SLC6A19: variants seen among roughly 807,000 people sequenced by gnomAD.
SLC6A19 encodes the protein sodium-dependent neutral amino acid transporter B(0)AT1.
A neutral mutation model predicts 68.3 loss-of-function variants in SLC6A19; 67 were observed. The observed-to-expected ratio is 0.98, with a 90% CI of 0.81 to 1.20. SLC6A19 has a LOEUF of 1.20. Among genes scored for constraint, SLC6A19 ranks in the 50% most tolerant of loss-of-function variants. The probability of loss-of-function intolerance (pLI) is 0.00; values close to 1 mark genes in which losing one functional copy is unlikely to be tolerated. For missense variants in SLC6A19, 813 were observed against 851.6 expected, an observed-to-expected ratio of 0.95 and a Z score of 0.56; for synonymous variants, 392 against 374.9, an observed-to-expected ratio of 1.05 and a Z score of -0.53.
At chr5:1,216,413 G>A (rs990331748) in intron 6 of SLC6A19, 145 bp from the exon 7 acceptor site, 3 of 1,189,454 alleles carry the variant, frequency 2.5e-6, no homozygotes, top group Non-Finnish European at 3.6e-6. Context: ...TGGGGCAGGG[G>A]CTCCGACTGC....
At chr5:1,211,772 CAT>C (rs1746035700) in intron 3 of SLC6A19, among the ~76,000 whole-genome samples, 2 of 151,354 alleles carry the variant, frequency 1.3e-5, no homozygotes, top group Admixed American at 6.6e-5. Context: ...TGTGTACATG[CAT>C]GTGCGTGCAT....
At chr5:1,203,039 T>C (rs1745759208) in intron 1 of SLC6A19, among the ~76,000 whole-genome samples, 1 of 151,764 alleles carries the variant, frequency 6.6e-6, no homozygotes, top group Admixed American at 6.6e-5. Flanking sequence ...CCTCGCCCCC[T>C]CCCCCAGGGC....
In SLC6A19 at chr5:1,214,108, G is replaced by A. The variant is rs747731437; in HGVS notation, c.887+43G>A. On this transcript the variant is annotated intron_variant, in intron 6 of 11. Coordinates refer to ENST00000304460, the MANE Select transcript of SLC6A19 (RefSeq NM_001003841.3). The surrounding 1 kb of genome is among the most constrained non-coding windows in gnomAD (Gnocchi z 7.4). ...GGGCCTCAGTTTCCCTCTCAGTCCTGGGGGGATCTTGCTGGGAGGATAAAA... is the reference window on the plus strand; with the variant it reads ...GGGCCTCAGTTTCCCTCTCAGTCCTAGGGGGATCTTGCTGGGAGGATAAAA... 8 of 1,612,920 alleles carry A rather than the reference G, an allele frequency of 5.0e-6. No individual in the cohort carries two copies. In the South Asian group the frequency reaches 7.7e-5, roughly 16 times the overall value.
In SLC6A19 at chr5:1,216,841, C is replaced by T. The variant is rs1561167751; in HGVS notation, c.1069C>T (p.Gln357Ter). ...GFDLPEGNVT[Q>*]ENFVDMQQRC... Reference sequence around the variant, plus strand: ...CGACCTGCCTGAAGGCAACGTGACCCAGGAGAACTTTGTGGACATGCAGCA... The same window carrying T: ...CGACCTGCCTGAAGGCAACGTGACCTAGGAGAACTTTGTGGACATGCAGCA... The change falls in exon 8 of 12, where the codon CAG (glutamine) becomes TAG (stop). Residue 357 changes from glutamine (Q) to a stop codon, truncating the protein, a stop_gained. Transcript: ENST00000304460. LOFTEE classifies it high-confidence loss of function. 6.2e-7 allele frequency: 1 copy of T among 1,613,830 alleles called. No individual in the cohort carries two copies. The highest frequency in any genetic ancestry group is 1.7e-5 in the Admixed American group (1 of 60,036).
At chr5:1,213,182 C>A (rs1172528910) in intron 4 of SLC6A19, among the ~76,000 whole-genome samples, 1 of 116,142 alleles carries the variant, frequency 8.6e-6, no homozygotes, top group Non-Finnish European at 1.8e-5. Context: ...CATACCCGGA[C>A]TCCACAGGCC....
intron 10 of SLC6A19, among the ~76,000 whole-genome samples, chr5:1,219,984 G>T (rs1746325508): frequency 6.6e-6 from 1 of 152,192 alleles, no homozygotes; most frequent in Admixed American, 6.5e-5. Context: ...CTCCTTGTGT[G>T]TGTGTGTGTG....
chr5:1,206,759 T>G (rs1745865102), intron 1 of SLC6A19, among the ~76,000 whole-genome samples: 1 of 152,096 alleles, frequency 6.6e-6, no homozygotes. Context: ...GGGCTGTCGC[T>G]GGGACCCCAG....
In SLC6A19 at chr5:1,212,513, G is replaced by T. The variant is rs1746072952; in HGVS notation, c.663+29G>T. 1 of 1,602,470 alleles carries T rather than the reference G, an allele frequency of 6.2e-7. No individual in the cohort carries two copies. The highest frequency in any genetic ancestry group is 8.5e-7 in the Non-Finnish European group (1 of 1,179,560). On this transcript the variant is annotated intron_variant, in intron 4 of 11. Coordinates refer to ENST00000304460, the MANE Select transcript of SLC6A19 (RefSeq NM_001003841.3). This position sits in a 1 kb window ranked among gnomAD's most constrained non-coding sequence, Gnocchi z 5.1. ...CTGCATGGGCCCGGCCAGGCTGCAG[G>T]TGCTCCAGAGGGCGGGTGCGGGCAG...
At position 1,216,871 on chromosome 5, in the gene SLC6A19, T is replaced by C; in HGVS notation, c.1099T>C (p.Cys367Arg). 6.2e-7 allele frequency: 1 copy of C among 1,613,700 alleles called. No individual in the cohort carries two copies. Among genetic ancestry groups the C allele is most frequent in the Non-Finnish European group, 8.5e-7 (1 of 1,180,026 alleles). ...GAACTTTGTGGACATGCAGCAGCGG[T>C]GCAACGCCTCCGACCCCGCGGCCTA... ...QENFVDMQQR[C>R]NASDPAAYAQ... Residue 367 changes from cysteine (C) to arginine (R), a missense_variant, in exon 8 of 12, where the codon TGC (cysteine) becomes CGC (arginine). Cys to Arg is a radical substitution (Grantham distance 180). Coordinates refer to ENST00000304460, the MANE Select transcript of SLC6A19 (RefSeq NM_001003841.3).
intron 1 of SLC6A19, among the ~76,000 whole-genome samples, chr5:1,204,432 G>A (rs959593250): frequency 1.6e-4 from 25 of 152,246 alleles, no homozygotes; most frequent in African/African-American, 6.0e-4. Flanking sequence ...TGGTGCTGGG[G>A]GCAGTGGGCA....
rs1233472495 is a variant in SLC6A19 at position 1,222,221 on chromosome 5, TGA to T, written c.*319_*320del. 17 of 586,426 alleles carry T rather than the reference TGA, an allele frequency of 2.9e-5. No homozygotes were observed. The highest frequency in any genetic ancestry group is 1.5e-4 in the South Asian group (7 of 46,552). 36.3% of individuals were successfully genotyped at this position (586,426 alleles called of 1,614,324 possible). ...TGCATGTACATGTATGGACATTGTG[TGA>T]GTGTGCAAGTGTGCATGCATATACA... On this transcript the variant is annotated 3_prime_UTR_variant, in exon 12 of 12. Transcript: ENST00000304460.
At chr5:1,217,054 C>T (rs1746231430) in intron 8 of SLC6A19, 109 bp downstream of exon 8, 6 of 1,549,018 alleles carry the variant, frequency 3.9e-6, no homozygotes, top group South Asian at 1.1e-5. Flanking sequence ...TGCTGAGCTT[C>T]AGCCGGGAGG....
At chr5:1,205,473 C>T (rs1347263484) in intron 1 of SLC6A19, among the ~76,000 whole-genome samples, 1 of 152,160 alleles carries the variant, frequency 6.6e-6, no homozygotes, top group East Asian at 1.9e-4. Context: ...CCATGCTGAG[C>T]CTGAGCCCCA....
At chr5:1,202,195 G>A (rs1006735634) in intron 1 of SLC6A19, among the ~76,000 whole-genome samples, 4 of 152,230 alleles carry the variant, frequency 2.6e-5, no homozygotes, top group Admixed American at 6.5e-5. Context: ...CGGAGGACGC[G>A]GGGCTGGGCC....
rs1217364060 is a variant in SLC6A19, at chr5:1,212,248, T to G, written c.482-55T>G. 5.6e-6 allele frequency: 9 copies of G among 1,607,314 alleles called. No individual in the cohort carries two copies. In the Admixed American group the frequency reaches 1.2e-4, roughly 21 times the overall value. On this transcript the variant is annotated intron_variant, in intron 3 of 11. Transcript: ENST00000304460. The surrounding 1 kb of genome is among the most constrained non-coding windows in gnomAD (Gnocchi z 5.1). ...ATTTCTTCCAGCTCAGGGCCTTCCA[T>G]TCTCCTCCCTTGGGGGACCCGTACC...
chr5:1,204,920 AAG>A (rs141998153), intron 1 of SLC6A19, among the ~76,000 whole-genome samples: 61,294 of 152,020 alleles, frequency 0.4, 13,258 homozygotes, highest in Non-Finnish European at 0.5. Flanking sequence ...AGAGAGAAAA[AAG>A]GGGAAGCTTA....
intron 6 of SLC6A19, 106 bp from the exon 7 acceptor site, chr5:1,216,452 C>T (rs1746208663): frequency 6.5e-7 from 1 of 1,546,940 alleles, no homozygotes; most frequent in Admixed American, 1.7e-5. Context: ...GGCTCAGCCT[C>T]TCACTCCTGG....
Position 1,213,474 on chromosome 5 carries a change from C to G in SLC6A19, c.675C>G (p.Ile225Met). The G allele has an allele frequency of 2.6e-6, 4 of 1,532,936 alleles. No individual in the cohort carries two copies. Among genetic ancestry groups the G allele is most frequent in the Non-Finnish European group, 3.5e-6 (4 of 1,132,282 alleles). 95.0% of individuals were successfully genotyped at this position (1,532,936 alleles called of 1,614,324 possible). ...CCCGCCCTCCGCAGGCCGTGTACAT[C>G]ACCTCCACGCTGCCCTATGTCGTCC... ...GIETTGKAVY[I>M]TSTLPYVVLT... The change falls in exon 5 of 12, where the codon ATC (isoleucine) becomes ATG (methionine). Residue 225 changes from isoleucine (I) to methionine (M), a missense_variant. Ile to Met is a conservative substitution (Grantham distance 10). Coordinates refer to ENST00000304460, the MANE Select transcript of SLC6A19 (RefSeq NM_001003841.3).
Position 1,208,821 on chromosome 5 carries a change from G to A in SLC6A19, c.278G>A (p.Gly93Glu), listed in dbSNP as rs1745929667. Residue 93 changes from glycine (G) to glutamate (E), a missense_variant, in exon 2 of 12, where the codon GGG (glycine) becomes GAG (glutamate). Gly to Glu is a moderately conservative substitution (Grantham distance 98). Transcript: ENST00000304460. ...CTGCTGTACCTGGAGTTCGCCATCGGGCAGCGGCTGCGGCGGGGCAGCCTG... is the reference window on the plus strand; with the variant it reads ...CTGCTGTACCTGGAGTTCGCCATCGAGCAGCGGCTGCGGCGGGGCAGCCTG... Reference protein sequence around the residue: ...IPLLYLEFAIGQRLRRGSLGV... With the variant: ...IPLLYLEFAIEQRLRRGSLGV... 6.2e-7 allele frequency: 1 copy of A among 1,613,374 alleles called. No homozygotes were observed. The highest frequency in any genetic ancestry group is 8.5e-7 in the Non-Finnish European group (1 of 1,180,012).
Sources: gnomAD v4.1 joint callset for allele counts (sites outside exome capture counted in the v4.1 genomes callset) on GRCh38, gnomAD v4.1.1 for gene constraint, Gnocchi (gnomAD v3.1) non-coding constraint, MANE v1.5 for transcripts, NCBI Gene and HGNC (gene_info 2026-07-23, HGNC 2026-07-21) for gene names.